Variants in PCDHGA2 observed in about 807,000 individuals in gnomAD.
PCDHGA2 encodes the protein protocadherin gamma-A2.
Under a neutral mutation model 59.2 loss-of-function variants are expected in PCDHGA2, and 40 were observed. The observed-to-expected ratio is 0.68, with a 90% confidence interval of 0.52 to 0.88. The LOEUF is 0.88. Among genes scored for constraint, PCDHGA2 ranks in the 40% least tolerant of loss-of-function variants. PCDHGA2 has a pLI of 0.00. For synonymous variants in PCDHGA2, 560 were observed against 526.0 expected (o/e 1.06, Z -0.89); for missense variants, 1,226 against 1,204.0 (o/e 1.02, Z -0.27).
chr5:141,408,300 T>C lies in PCDHGA2; in HGVS notation c.2424+66905T>C. On this transcript the variant is annotated intron_variant, in intron 1 of 3. Coordinates refer to ENST00000394576, the MANE Select transcript of PCDHGA2 (RefSeq NM_018915.4). ...TTCTACCCCACCCTGAGTGAGCCGATCCGCTACTCGATTCCGGAGGAGCTG... is the reference window on the plus strand; with the variant it reads ...TTCTACCCCACCCTGAGTGAGCCGACCCGCTACTCGATTCCGGAGGAGCTG... The C allele has an allele frequency of 1.2e-6, 2 of 1,613,732 alleles. No homozygotes were observed. The highest frequency in any genetic ancestry group is 1.7e-6 in the Non-Finnish European group (2 of 1,179,694).
intron 1 of PCDHGA2, chr5:141,411,313 T>C (rs970801897): frequency 6.6e-5 from 10 of 152,224 alleles, no homozygotes; most frequent in African/African-American, 2.4e-4. Context: ...CTCACACCTA[T>C]AATCACAGCA....
chr5:141,413,541 GATAGAA>G (rs2095653692), intron 1 of PCDHGA2: 1 of 1,613,904 alleles, frequency 6.2e-7, no homozygotes, highest in Non-Finnish European at 8.5e-7. Flanking sequence ...AACTTTTTGG[GATAGAA>G]ATAGAAGTAA....
intron 1 of PCDHGA2, chr5:141,360,700 C>G (rs532971055): frequency 6.2e-7 from 1 of 1,613,916 alleles, no homozygotes; most frequent in East Asian, 2.2e-5. Flanking sequence ...TCCAGATGGT[C>G]GTAAATATCC....
intron 1 of PCDHGA2, chr5:141,360,718 A>G: frequency 6.2e-7 from 1 of 1,613,968 alleles, no homozygotes; most frequent in Non-Finnish European, 8.5e-7. Flanking sequence ...TCCTGAGTTG[A>G]TTCTAAAACA....
rs566838507 is a variant in PCDHGA2, at chr5:141,415,047, G to A, written c.2424+73652G>A. 5 of 1,613,392 alleles carry A rather than the reference G, an allele frequency of 3.1e-6. No homozygotes were observed. The African/African-American group carries it at 5.3e-5, about 17-fold the overall frequency. Reference sequence around the variant, plus strand: ...GCGAGCCGGGACTCTTCGCGGTGGGGGAGCACACGGGCGAGGTGCGCACGG... The same window carrying A: ...GCGAGCCGGGACTCTTCGCGGTGGGAGAGCACACGGGCGAGGTGCGCACGG... On this transcript the variant is annotated intron_variant, in intron 1 of 3. Coordinates refer to ENST00000394576, the MANE Select transcript of PCDHGA2 (RefSeq NM_018915.4).
rs769232324 is a variant in PCDHGA2, at chr5:141,423,034, G to T, written c.2425-71773G>T. 4 of 1,614,082 alleles carry T rather than the reference G, an allele frequency of 2.5e-6. No individual in the cohort carries two copies. In the African/African-American group the frequency reaches 4.0e-5, roughly 16 times the overall value. On this transcript the variant is annotated intron_variant, in intron 1 of 3. Coordinates refer to ENST00000394576, the MANE Select transcript of PCDHGA2 (RefSeq NM_018915.4). ...GGTGGACAAAGATTCAGGCCAGAAC[G>T]CCTGGCTGTCCTATCGCCTGCTTAA...
At chr5:141,405,394 C>A (rs761584699) in intron 1 of PCDHGA2, 7 of 1,593,014 alleles carry the variant, frequency 4.4e-6, no homozygotes, top group Non-Finnish European at 6.0e-6. Context: ...CATTTTTTTT[C>A]TTTCTTTCTT....
At chr5:141,469,362 G>GT (rs1212141268) in intron 1 of PCDHGA2, among the ~76,000 whole-genome samples, 4 of 152,084 alleles carry the variant, frequency 2.6e-5, no homozygotes, top group Non-Finnish European at 5.9e-5. Flanking sequence ...GGATCATGAG[G>GT]TAAAGAGATC....
chr5:141,481,794 A>G (rs1433830305), intron 1 of PCDHGA2, among the ~76,000 whole-genome samples: 1 of 152,136 alleles, frequency 6.6e-6, no homozygotes, highest in Non-Finnish European at 1.5e-5. Context: ...TCTACTAAAA[A>G]TACAAAAATT....
intron 2 of PCDHGA2, among the ~76,000 whole-genome samples, chr5:141,495,644 A>G (rs767670166): frequency 5.3e-5 from 8 of 151,770 alleles, no homozygotes; most frequent in Non-Finnish European, 1.0e-4. Context: ...TCATTTGTCT[A>G]CTTGCATTGA....
chr5:141,345,710 G>A, intron 1 of PCDHGA2: 2 of 1,614,194 alleles, frequency 1.2e-6, no homozygotes, highest in African/African-American at 1.3e-5. Context: ...ACGACAACGC[G>A]CCCGAGATCC....
In PCDHGA2 at chr5:141,418,848, G is replaced by A. The variant is rs770294020; in HGVS notation, c.2425-75959G>A. 20 of 1,613,836 alleles carry A rather than the reference G, an allele frequency of 1.2e-5. No individual in the cohort carries two copies. Among genetic ancestry groups the A allele is most frequent in the South Asian group, 6.6e-5 (6 of 91,080 alleles). ...AAAGACCGAGGATCTCTCTCAACAC[G>A]GTGTAAAGTAATTGTAGAAGTTGTA... On this transcript the variant is annotated intron_variant, in intron 1 of 3. Coordinates refer to ENST00000394576, the MANE Select transcript of PCDHGA2 (RefSeq NM_018915.4).
rs1342481070 is a variant in PCDHGA2 at position 141,485,056 on chromosome 5, C to T, written c.2425-9751C>T. 8 of 840,338 alleles carry T rather than the reference C, an allele frequency of 9.5e-6. No homozygotes were observed. The Admixed American group carries it at 1.9e-4, about 20-fold the overall frequency. 52.1% of individuals were successfully genotyped at this position (840,338 alleles called of 1,614,324 possible). A position where few individuals can be genotyped will look rare whatever the true frequency, so the allele number is the denominator to read the frequency against. The stretch of plus-strand genomic sequence containing the variant: ...CGTAACCCTTGCGGCGCCGGCCGAA[C>T]CGCGCCAGAGCTGGCGCGGGGAAAG... On this transcript the variant is annotated intron_variant, in intron 1 of 3. Transcript: ENST00000394576. The surrounding 1 kb of genome is among the most constrained non-coding windows in gnomAD (Gnocchi z 5.7).
intron 1 of PCDHGA2, chr5:141,414,511 G>A: frequency 1.2e-6 from 2 of 1,613,972 alleles, no homozygotes; most frequent in African/African-American, 1.3e-5. Context: ...TATGCTACAA[G>A]TGGCAGATAT....
In PCDHGA2 at chr5:141,340,267, G is replaced by T; in HGVS notation, c.1296G>T (p.Leu432=). 6.2e-7 allele frequency: 1 copy of T among 1,614,110 alleles called. No homozygotes were observed. Among genetic ancestry groups the T allele is most frequent in the African/African-American group, 1.3e-5 (1 of 75,036 alleles). ...LTAKDGGNPS[L]STDAHILLQV... ...CTAAAGATGGAGGGAACCCCTCCCTGTCCACGGATGCTCACATTTTGCTCC... is the reference window on the plus strand; with the variant it reads ...CTAAAGATGGAGGGAACCCCTCCCTTTCCACGGATGCTCACATTTTGCTCC... The change falls in exon 1 of 4, where the codon CTG becomes CTT. Residue 432 remains leucine, a synonymous_variant. Coordinates refer to ENST00000394576, the MANE Select transcript of PCDHGA2 (RefSeq NM_018915.4).
At chr5:141,440,030 G>A (rs780807702) in intron 1 of PCDHGA2, 2 of 153,028 alleles carry the variant, frequency 1.3e-5, no homozygotes, top group African/African-American at 2.4e-5. Context: ...ACTCAGTGTC[G>A]AGGACATGCC....
intron 1 of PCDHGA2, chr5:141,427,525 CG>C (rs996050026): frequency 4.9e-6 from 3 of 612,098 alleles, no homozygotes; most frequent in Non-Finnish European, 9.2e-6. Flanking sequence ...GAGCGGATCC[CG>C]GAGTACAACG....
At chr5:141,505,238 G>A (rs1254100882) in intron 2 of PCDHGA2, 155 bp from the exon 3 acceptor site, 2 of 890,422 alleles carry the variant, frequency 2.2e-6, no homozygotes, top group South Asian at 5.2e-5. Context: ...GGCTTCTGAA[G>A]GATTGTAGAA....
Position 141,486,484 on chromosome 5 carries a change from C to A in PCDHGA2, c.2425-8323C>A. On this transcript the variant is annotated intron_variant, in intron 1 of 3. Transcript: ENST00000394576. This position sits in a 1 kb window ranked among gnomAD's most constrained non-coding sequence, Gnocchi z 5.0. ...ATGCTGGGAACCCTCCTCTCAGTAC[C>A]CACAGAACTATTTTCCTCAATATTT... is the stretch of plus-strand genomic sequence containing the variant. 5 of 1,614,102 alleles carry A rather than the reference C, an allele frequency of 3.1e-6. No homozygotes were observed. Among genetic ancestry groups the A allele is most frequent in the Non-Finnish European group, 4.2e-6 (5 of 1,179,930 alleles).
Sources: gnomAD v4.1 joint callset for allele counts (sites outside exome capture counted in the v4.1 genomes callset) on GRCh38, gnomAD v4.1.1 for gene constraint, Gnocchi (gnomAD v3.1) non-coding constraint, MANE v1.5 for transcripts, NCBI Gene and HGNC (gene_info 2026-07-23, HGNC 2026-07-21) for gene names.